The following FAM118B variants were observed in gnomAD, a reference collection of about 807,000 sequenced individuals.
FAM118B encodes protein FAM118B.
Under a neutral mutation model 38.5 loss-of-function variants are expected in FAM118B, and 24 were observed. That is an observed-to-expected ratio of 0.62 (90% CI 0.45 to 0.88). FAM118B has a LOEUF of 0.88. FAM118B is among the 40% of genes least tolerant of loss of function. The probability of loss-of-function intolerance (pLI) is 0.00; values close to 1 mark genes in which losing one functional copy is unlikely to be tolerated. For missense variants in FAM118B, 334 were observed against 420.0 expected, an observed-to-expected ratio of 0.80 and a Z score of 1.79; for synonymous variants, 138 against 156.3, an observed-to-expected ratio of 0.88 and a Z score of 0.87.
chr11:126,252,206 C>G lies in FAM118B; in HGVS notation c.567+1473C>G, dbSNP rs935052566. On this transcript the variant is annotated intron_variant, in intron 5 of 8. Coordinates refer to ENST00000533050, the MANE Select transcript of FAM118B (RefSeq NM_024556.4). This position sits in a 1 kb window ranked among gnomAD's most constrained non-coding sequence, Gnocchi z 4.7. Reference sequence around the variant, plus strand: ...TTCACCATGTTGGCCAGGCTGGTCTCGAACTCCTGACCTCAGGTGATCTGC... The same window carrying G: ...TTCACCATGTTGGCCAGGCTGGTCTGGAACTCCTGACCTCAGGTGATCTGC... 6.6e-6 allele frequency among the ~76,000 whole-genome samples: 1 copy of G among 151,980 alleles called. No homozygotes were observed. The highest frequency in any genetic ancestry group is 1.9e-4 in the East Asian group (1 of 5,174).
chr11:126,227,523 G>C (rs1008900422), intron 1 of FAM118B, among the ~76,000 whole-genome samples: 2 of 152,196 alleles, frequency 1.3e-5, no homozygotes, highest in Admixed American at 6.5e-5. Flanking sequence ...GTGTAATGAT[G>C]AATGAATGAA....
chr11:126,258,963 G>A (rs1296041747), intron 7 of FAM118B, among the ~76,000 whole-genome samples: 1 of 152,184 alleles, frequency 6.6e-6, no homozygotes, highest in Non-Finnish European at 1.5e-5. Flanking sequence ...TCTTTTATTA[G>A]CTGTGTAGGC....
At chr11:126,247,719 G>T (rs938055527) in intron 4 of FAM118B, among the ~76,000 whole-genome samples, 1 of 151,838 alleles carries the variant, frequency 6.6e-6, no homozygotes, top group African/African-American at 2.4e-5. Context: ...TTAGCCTGGC[G>T]TGGTGGCAGG....
intron 1 of FAM118B, among the ~76,000 whole-genome samples, chr11:126,215,932 C>CG (rs1949972839): frequency 6.6e-6 from 1 of 151,698 alleles, no homozygotes; most frequent in East Asian, 1.9e-4. Flanking sequence ...CATTTGAGCC[C>CG]GGGAATTCAA....
At chr11:126,247,881 CTATA>C (rs1374355097) in intron 4 of FAM118B, among the ~76,000 whole-genome samples, 1 of 138,856 alleles carries the variant, frequency 7.2e-6, no homozygotes, top group Non-Finnish European at 1.5e-5. Context: ...ATATATATAT[CTATA>C]TATATATATA....
At chr11:126,249,137 C>T (rs142524179) in intron 4 of FAM118B, among the ~76,000 whole-genome samples, 2 of 152,112 alleles carry the variant, frequency 1.3e-5, no homozygotes, top group African/African-American at 4.8e-5. Context: ...CTTTGGGAGG[C>T]TGAGGTGGGA....
chr11:126,262,243 T>G lies in FAM118B; in HGVS notation c.*110T>G. 2 of 1,228,770 alleles carry G rather than the reference T, an allele frequency of 1.6e-6. No homozygotes were observed. The highest frequency in any genetic ancestry group is 2.4e-5 in the East Asian group (1 of 42,052). The allele number at this position is 1,228,770 out of a possible 1,614,324, so 76.1% of individuals were successfully genotyped here. A position where few individuals can be genotyped will look rare whatever the true frequency, so the allele number is the denominator to read the frequency against. Reference sequence around the variant, plus strand: ...CAACACAATTCCCAGAAAGTAACAATAGCCAGAGGTTGAAGGGCGGGGTAG... The same window carrying G: ...CAACACAATTCCCAGAAAGTAACAAGAGCCAGAGGTTGAAGGGCGGGGTAG... On this transcript the variant is annotated 3_prime_UTR_variant, in exon 9 of 9. Coordinates refer to ENST00000533050, the MANE Select transcript of FAM118B (RefSeq NM_024556.4).
At chr11:126,243,801 G>A (rs1289879126) in intron 4 of FAM118B, among the ~76,000 whole-genome samples, 2 of 151,834 alleles carry the variant, frequency 1.3e-5, no homozygotes, top group African/African-American at 2.4e-5. Context: ...CTACCCAGGA[G>A]GCTGAGGCAG....
chr11:126,235,095 A>G lies in FAM118B; in HGVS notation c.86+8A>G. The G allele has an allele frequency of 1.9e-6, 3 of 1,613,114 alleles. No individual in the cohort carries two copies. The highest frequency in any genetic ancestry group is 2.5e-6 in the Non-Finnish European group (3 of 1,179,198). ...TCCCACCAAAAAGCCCAGGTAAACAAGAGAAGGGAATCAGCAGAGTAAATT... is the reference window on the plus strand; with the variant it reads ...TCCCACCAAAAAGCCCAGGTAAACAGGAGAAGGGAATCAGCAGAGTAAATT... On this transcript the variant is annotated splice_region_variant and intron_variant, in intron 3 of 8. Coordinates refer to ENST00000533050, the MANE Select transcript of FAM118B (RefSeq NM_024556.4).
chr11:126,252,183 C>T lies in FAM118B; in HGVS notation c.567+1450C>T, dbSNP rs543476247. 2.6e-5 allele frequency among the ~76,000 whole-genome samples: 4 copies of T among 152,134 alleles called. No individual in the cohort carries two copies. The highest frequency in any genetic ancestry group is 7.2e-5 in the African/African-American group (3 of 41,504). ...TGTATTTTCAGTAGAGACAGGGTTT[C>T]ACCATGTTGGCCAGGCTGGTCTCGA... On this transcript the variant is annotated intron_variant, in intron 5 of 8. Coordinates refer to ENST00000533050, the MANE Select transcript of FAM118B (RefSeq NM_024556.4). This position sits in a 1 kb window ranked among gnomAD's most constrained non-coding sequence, Gnocchi z 4.7.
chr11:126,211,818 T>C lies in FAM118B; in HGVS notation c.-89T>C. ...TAGCTGCAGCTGGAGCAGTGGCGTT[T>C]GGAGGAGACTCGGTGAGTGTGTAGG... On this transcript the variant is annotated 5_prime_UTR_variant, in exon 1 of 9. Coordinates refer to ENST00000533050, the MANE Select transcript of FAM118B (RefSeq NM_024556.4). 1 of 644,572 alleles carries C rather than the reference T, an allele frequency of 1.6e-6. No individual in the cohort carries two copies. The highest frequency in any genetic ancestry group is 2.8e-5 in the East Asian group (1 of 36,160). The allele number at this position is 644,572 out of a possible 1,614,324, so 39.9% of individuals were successfully genotyped here. A position where few individuals can be genotyped will look rare whatever the true frequency, so the allele number is the denominator to read the frequency against.
rs559153951 is a variant in FAM118B, at chr11:126,246,656, G to T, written c.340-3850G>T. On this transcript the variant is annotated intron_variant, in intron 4 of 8. Transcript: ENST00000533050. ...GGGGTCTCCCTGTGTTGCCCAGGCTGGTGTTGAACTCCTGGGCTCAAGTGA... is the reference window on the plus strand; with the variant it reads ...GGGGTCTCCCTGTGTTGCCCAGGCTTGTGTTGAACTCCTGGGCTCAAGTGA... Among the ~76,000 whole-genome samples the T allele has an allele frequency of 2.7e-4, 41 of 152,166 alleles. 2 individuals carry two copies. In the South Asian group the frequency reaches 7.7e-3, roughly 29 times the overall value.
At chr11:126,217,182 T>C (rs1475266068) in intron 1 of FAM118B, among the ~76,000 whole-genome samples, 1 of 152,244 alleles carries the variant, frequency 6.6e-6, no homozygotes, top group East Asian at 1.9e-4. Context: ...ATCAATGTTA[T>C]GAAAAAACGA....
At chr11:126,254,480 A>G (rs771020602) in intron 6 of FAM118B, 47 bp downstream of exon 6, 20 of 1,606,902 alleles carry the variant, frequency 1.2e-5, no homozygotes, top group Non-Finnish European at 1.6e-5. Flanking sequence ...TTCCTGGGAA[A>G]TCTCTCTAAA....
In FAM118B at chr11:126,252,800, C is replaced by T. The variant is rs141721581; in HGVS notation, c.568-1505C>T. On this transcript the variant is annotated intron_variant, in intron 5 of 8. Coordinates refer to ENST00000533050, the MANE Select transcript of FAM118B (RefSeq NM_024556.4). This position sits in a 1 kb window ranked among gnomAD's most constrained non-coding sequence, Gnocchi z 4.7. ...CTGTAATCCCAGCATTTTGGGTGGC[C>T]GAGGTGGGTGGATCACTTGAGGTCA... Among the ~76,000 whole-genome samples the T allele has an allele frequency of 2.5e-4, 38 of 152,050 alleles. No individual in the cohort carries two copies. Among genetic ancestry groups the T allele is most frequent in the African/African-American group, 7.7e-4 (32 of 41,478 alleles).
intron 3 of FAM118B, 113 bp downstream of exon 3, chr11:126,235,200 A>C (rs1050354634): frequency 2.5e-6 from 2 of 797,396 alleles, no homozygotes; most frequent in Non-Finnish European, 4.1e-6. Context: ...ATTGACCTTC[A>C]TACTCAAAAT....
At chr11:126,260,641 A>G (rs1041204353) in intron 7 of FAM118B, 4 of 152,208 alleles carry the variant, frequency 2.6e-5, no homozygotes, top group African/African-American at 4.8e-5. Flanking sequence ...TTCTCACTGT[A>G]ATCAGGTCAA....
At chr11:126,211,755 TG>T (rs915338255), upstream of FAM118B, 108 of 1,197,690 alleles carry the variant, frequency 9.0e-5, 1 homozygote, top group African/African-American at 1.5e-3. Flanking sequence ...GCGAGTCACG[TG>T]GGGACGGTGC....
intron 1 of FAM118B, among the ~76,000 whole-genome samples, chr11:126,212,188 C>T (rs1022286528): frequency 6.6e-6 from 1 of 152,182 alleles, no homozygotes; most frequent in Non-Finnish European, 1.5e-5. Flanking sequence ...CTTTGTTTCG[C>T]GTTGTAACCT....
Sources: gnomAD v4.1 joint callset for allele counts (sites outside exome capture counted in the v4.1 genomes callset) on GRCh38, gnomAD v4.1.1 for gene constraint, Gnocchi (gnomAD v3.1) non-coding constraint, MANE v1.5 for transcripts, NCBI Gene and HGNC (gene_info 2026-07-23, HGNC 2026-07-21) for gene names.